TENM3: variants seen among roughly 807,000 people sequenced by gnomAD.
TENM3 encodes teneurin transmembrane protein 3.
TENM3 carries 63 observed loss-of-function variants against 255.1 expected under a neutral mutation model. The ratio of observed to expected loss-of-function variants is 0.25; its 90% confidence interval spans 0.20 to 0.30. The LOEUF is 0.30. Ranked by LOEUF, TENM3 falls within the 10% of genes least tolerant of loss-of-function variation. The pLI is 1.00. For synonymous variants in TENM3, 1,306 were observed against 1,322.3 expected (o/e 0.99, Z 0.27); for missense variants, 2,929 against 3,461.1 (o/e 0.85, Z 3.86).
At chr4:182,191,704 A>G (rs529547579) in intron 1 of TENM3, among the ~76,000 whole-genome samples, 5 of 152,112 alleles carry the variant, frequency 3.3e-5, no homozygotes, top group East Asian at 1.9e-4. Flanking sequence ...TCCATGCTCA[A>G]TTTCACCCTG....
At chr4:182,783,009 A>AAT (rs2152813512) in intron 24 of TENM3, among the ~76,000 whole-genome samples, 1 of 151,128 alleles carries the variant, frequency 6.6e-6, no homozygotes, top group African/African-American at 2.4e-5. Flanking sequence ...CTCTTTATCC[A>AAT]ATTTGCCAGT....
At chr4:181,574,634 T>A in the TENM3 span, among the ~76,000 whole-genome samples, 1 of 152,044 alleles carries the variant, frequency 6.6e-6, no homozygotes. Flanking sequence ...AAACTTCCCA[T>A]GAAAAGATGA....
At chr4:181,789,372 T>G in the TENM3 span, among the ~76,000 whole-genome samples, 1 of 148,974 alleles carries the variant, frequency 6.7e-6, no homozygotes, top group Admixed American at 6.7e-5. Context: ...TTCTCCTGCC[T>G]CAGCCTCCTG....
At chr4:181,698,891 TAA>T in the TENM3 span, among the ~76,000 whole-genome samples, 5 of 152,352 alleles carry the variant, frequency 3.3e-5, no homozygotes, top group South Asian at 2.1e-4. Context: ...CCCTCTGATA[TAA>T]GTCATAGATA....
At position 182,753,584 on chromosome 4, in the gene TENM3, A is replaced by G. The variant is rs1287552189; in HGVS notation, c.3997A>G (p.Thr1333Ala). The change falls in exon 21 of 28, where the codon ACC (threonine) becomes GCC (alanine). Residue 1333 changes from threonine (T) to alanine (A), a missense_variant. Transcript: ENST00000511685. ...LTSARPLTCD[T>A]SMHISQVRLE... ...TTCAGCCAGACCTTTAACTTGTGAC[A>G]CCAGCATGCACATCAGCCAGGTAGT... The G allele has an allele frequency of 6.2e-7, 1 of 1,613,714 alleles. No individual in the cohort carries two copies. Among genetic ancestry groups the G allele is most frequent in the Non-Finnish European group, 8.5e-7 (1 of 1,179,860 alleles).
the TENM3 span, among the ~76,000 whole-genome samples, chr4:181,643,349 A>G: frequency 6.6e-6 from 1 of 152,096 alleles, no homozygotes; most frequent in Admixed American, 6.6e-5. Context: ...TTGTATCCTG[A>G]GACTTTGCTG....
At chr4:181,975,748 A>G in the TENM3 span, 4 of 152,286 alleles carry the variant, frequency 2.6e-5, no homozygotes, top group African/African-American at 9.7e-5. Context: ...GTGGATAAAT[A>G]TGGAAGCCGG....
the TENM3 span, among the ~76,000 whole-genome samples, chr4:181,896,407 C>T: frequency 6.6e-6 from 1 of 152,106 alleles, no homozygotes; most frequent in South Asian, 2.1e-4. Flanking sequence ...AGATACCATA[C>T]AAAGGATTTT....
chr4:181,855,190 G>T, the TENM3 span, among the ~76,000 whole-genome samples: 1 of 152,186 alleles, frequency 6.6e-6, no homozygotes, highest in Admixed American at 6.5e-5. Flanking sequence ...CATTTAACTT[G>T]TTATTGTGTT....
chr4:182,758,238 TC>T (rs1762874184), intron 22 of TENM3, among the ~76,000 whole-genome samples: 1 of 152,176 alleles, frequency 6.6e-6, no homozygotes, highest in African/African-American at 2.4e-5. Context: ...TTTTTTTTCT[TC>T]CCATACATTC....
chr4:181,910,654 G>GTGTGTGTGTGTA, the TENM3 span, among the ~76,000 whole-genome samples: 19 of 148,884 alleles, frequency 1.3e-4, no homozygotes, highest in African/African-American at 4.2e-4. Context: ...GTGTGTGTGT[G>GTGTGTGTGTGTA]TATTTTAGAG....
the TENM3 span, among the ~76,000 whole-genome samples, chr4:181,680,276 TTCA>T: frequency 6.6e-6 from 1 of 152,132 alleles, no homozygotes; most frequent in Non-Finnish European, 1.5e-5. Flanking sequence ...GTAAATACAT[TTCA>T]TGTGGTGAGT....
chr4:181,732,643 T>C, the TENM3 span, among the ~76,000 whole-genome samples: 2 of 152,172 alleles, frequency 1.3e-5, no homozygotes, highest in African/African-American at 4.8e-5. Flanking sequence ...TTTGCACTGT[T>C]AATATGTCAG....
intron 3 of TENM3, among the ~76,000 whole-genome samples, chr4:182,373,818 G>A (rs1767004099): frequency 1.3e-5 from 2 of 152,156 alleles, no homozygotes; most frequent in Admixed American, 6.5e-5. Context: ...CTTTCCTATC[G>A]AGGAGATGCC....
At chr4:182,186,790 TATATATATATATATATA>T (rs1375312663) in intron 1 of TENM3, among the ~76,000 whole-genome samples, 6 of 84,284 alleles carry the variant, frequency 7.1e-5, no homozygotes, top group African/African-American at 2.9e-4. Context: ...TATATATATA[TATATATATATATATATA>T]TATATATGGT....
intron 3 of TENM3, among the ~76,000 whole-genome samples, chr4:182,523,643 C>T (rs544896649): frequency 6.6e-6 from 1 of 152,014 alleles, no homozygotes; most frequent in Admixed American, 6.6e-5. Context: ...AATGTTATTC[C>T]CCAAGAAGAA....
At chr4:181,517,529 A>G in the TENM3 span, among the ~76,000 whole-genome samples, 5 of 152,358 alleles carry the variant, frequency 3.3e-5, no homozygotes, top group African/African-American at 1.2e-4. Flanking sequence ...CAGAAATGCT[A>G]CAGGACTCAG....
the TENM3 span, among the ~76,000 whole-genome samples, chr4:181,890,240 A>C: frequency 6.6e-6 from 1 of 152,174 alleles, no homozygotes; most frequent in Admixed American, 6.5e-5. Flanking sequence ...TAGGTGGTTT[A>C]ATTATCAGAA....
intron 7 of TENM3, among the ~76,000 whole-genome samples, chr4:182,674,541 T>C (rs1193632571): frequency 6.6e-6 from 1 of 152,160 alleles, no homozygotes; most frequent in Non-Finnish European, 1.5e-5. Context: ...TTAAATTTTA[T>C]ATTTTTGTTT....
Sources: allele counts gnomAD v4.1 joint callset (sites outside exome capture counted in the v4.1 genomes callset), GRCh38; gene constraint gnomAD v4.1.1; transcripts MANE v1.5; gene names NCBI Gene and HGNC (gene_info 2026-07-23, HGNC 2026-07-21).